NOC2L: variants seen among roughly 807,000 people sequenced by gnomAD.
The protein encoded by NOC2L is nucleolar complex protein 2 homolog.
NOC2L carries 101 observed loss-of-function variants against 94.2 expected under a neutral mutation model. The ratio of observed to expected loss-of-function variants is 1.07; its 90% CI spans 0.91 to 1.26. The LOEUF is 1.26. NOC2L is among the 50% of genes most tolerant of loss of function. The pLI is 0.00. For missense variants in NOC2L, 1,076 were observed against 980.1 expected (o/e 1.10, Z -1.31); for synonymous variants, 531 against 413.4 (o/e 1.28, Z -3.45).
intron 9 of NOC2L, 130 bp from the exon 10 acceptor site, chr1:952,730 G>T: frequency 1.1e-6 from 1 of 881,134 alleles, no homozygotes; most frequent in Non-Finnish European, 1.8e-6. Flanking sequence ...GTAGCCCCTT[G>T]CACAGCCCCC....
chr1:959,218 T>C lies in NOC2L; in HGVS notation c.23A>G (p.Lys8Arg). 3 of 1,608,866 alleles carry C rather than the reference T, an allele frequency of 1.9e-6. No individual in the cohort carries two copies. Among genetic ancestry groups the C allele is most frequent in the Non-Finnish European group, 2.5e-6 (3 of 1,178,426 alleles). The change falls in exon 1 of 19, where the codon AAG (lysine) becomes AGG (arginine). Residue 8 changes from lysine (K) to arginine (R), a missense_variant. Coordinates refer to ENST00000327044, the MANE Select transcript of NOC2L (RefSeq NM_015658.4). Reference protein sequence around the residue: MAAAGSRKRRLAELTVDE... With the variant: MAAAGSRRRRLAELTVDE... ...GGCCCTCGGACCCGCGGCTTACCTC[T>C]TGCGGCTCCCCGCAGCTGCCATGAC...
chr1:950,195 TACAGGTACACGC>T (rs1234506527), intron 12 of NOC2L, among the ~76,000 whole-genome samples: 2 of 144,114 alleles, frequency 1.4e-5, no homozygotes, highest in Admixed American at 6.9e-5. Flanking sequence ...CACCCAAGTG[TACAGGTACACGC>T]ACAGGTACAC....
Position 953,776 on chromosome 1 carries a change from A to ATC in NOC2L, c.888+5_888+6insGA, listed in dbSNP as rs1642323206. 17 of 1,603,614 alleles carry ATC rather than the reference A, an allele frequency of 1.1e-5. No homozygotes were observed. In the East Asian group the frequency reaches 3.6e-4, roughly 34 times the overall value. On this transcript the variant is annotated splice_donor_region_variant and intron_variant, in intron 8 of 18. Transcript: ENST00000327044. ...ACAGACACAGGGAGGGGACTGGGCC[A>ATC]CGAACCTTGAGCAGCATGCGGCACT...
At position 959,221 on chromosome 1, in the gene NOC2L, C is replaced by T. The variant is rs762248835; in HGVS notation, c.20G>A (p.Arg7His). 1.2e-6 allele frequency: 2 copies of T among 1,607,114 alleles called. No homozygotes were observed. Among genetic ancestry groups the T allele is most frequent in the Admixed American group, 1.7e-5 (1 of 59,596 alleles). The change falls in exon 1 of 19, where the codon CGC (arginine) becomes CAC (histidine). Residue 7 changes from arginine to histidine, a missense_variant. Coordinates refer to ENST00000327044, the MANE Select transcript of NOC2L (RefSeq NM_015658.4). MAAAGS[R>H]KRRLAELTVD... ...CCTCGGACCCGCGGCTTACCTCTTG[C>T]GGCTCCCCGCAGCTGCCATGACACC... is the stretch of plus-strand genomic sequence containing the variant.
At chr1:956,756 T>G in intron 4 of NOC2L, 138 bp downstream of exon 4, 1 of 1,258,788 alleles carries the variant, frequency 7.9e-7, no homozygotes. Context: ...CAGCACAGCC[T>G]CAGGCGCCTC....
intron 8 of NOC2L, 83 bp from the exon 9 acceptor site, chr1:953,371 G>A (rs1642310066): frequency 1.2e-6 from 1 of 809,560 alleles, no homozygotes; most frequent in Non-Finnish European, 2.1e-6. Flanking sequence ...TCCCCAGCCA[G>A]GCAAAGGCTC....
In NOC2L at chr1:946,384, C is replaced by A. The variant is rs751896300; in HGVS notation, c.1803+18G>T. The A allele has an allele frequency of 2.5e-5, 41 of 1,613,336 alleles. No homozygotes were observed. The highest frequency in any genetic ancestry group is 1.6e-4 in the Middle Eastern group (1 of 6,070). ...TGGCAGGTGCCCTCAGGTGGCACTACCCCCAGGGCCCACTAACCACTGCCT... is the reference window on the plus strand; with the variant it reads ...TGGCAGGTGCCCTCAGGTGGCACTAACCCCAGGGCCCACTAACCACTGCCT... On this transcript the variant is annotated intron_variant, in intron 15 of 18. Coordinates refer to ENST00000327044, the MANE Select transcript of NOC2L (RefSeq NM_015658.4).
In NOC2L at chr1:951,981, T is replaced by C. The variant is rs1352458637; in HGVS notation, c.1331+19A>G. ...TTCTCCTGACCCTCCCGCACAACCC[T>C]GCCCACCCCACAACTCACTTGATAC... On this transcript the variant is annotated intron_variant, in intron 11 of 18. Coordinates refer to ENST00000327044, the MANE Select transcript of NOC2L (RefSeq NM_015658.4). The C allele has an allele frequency of 5.0e-6, 8 of 1,606,454 alleles. No individual in the cohort carries two copies. Among genetic ancestry groups the C allele is most frequent in the Non-Finnish European group, 6.0e-6 (7 of 1,176,078 alleles).
At chr1:948,628 C>G in intron 12 of NOC2L, 25 bp from the exon 13 acceptor site, 1 of 1,147,878 alleles carries the variant, frequency 8.7e-7, no homozygotes, top group Non-Finnish European at 1.1e-6. Flanking sequence ...GTGTCAGGCT[C>G]TCTCGGCCCC....
At position 945,657 on chromosome 1, in the gene NOC2L, G is replaced by C; in HGVS notation, c.1918-4C>G. ...CAGGGAAGTTCAGGTCTTCCAGCTG[G>C]AAGGCCAAAGAACCAGGGGCTCAGG... On this transcript the variant is annotated splice_polypyrimidine_tract_variant and splice_region_variant and intron_variant, in intron 16 of 18. Transcript: ENST00000327044. The C allele has an allele frequency of 6.2e-7, 1 of 1,614,150 alleles. No homozygotes were observed. The highest frequency in any genetic ancestry group is 1.1e-5 in the South Asian group (1 of 91,078).
In NOC2L at chr1:953,825, G is replaced by A. The variant is rs377070129; in HGVS notation, c.845C>T (p.Pro282Leu). 6.2e-7 allele frequency: 1 copy of A among 1,613,062 alleles called. No homozygotes were observed. The highest frequency in any genetic ancestry group is 1.3e-5 in the African/African-American group (1 of 75,060). The change falls in exon 8 of 19, where the codon CCC becomes CTC. Residue 282 changes from proline (P) to leucine (L), a missense_variant. Pro to Leu is a moderately conservative substitution (Grantham distance 98). Transcript: ENST00000327044. Reference sequence around the variant, plus strand: ...CTGCTTGGGGAAGGTCAGGAAGCAGGGCACCAGCACGCTGATGTGCCGCAG... The same window carrying A: ...CTGCTTGGGGAAGGTCAGGAAGCAGAGCACCAGCACGCTGATGTGCCGCAG... ...AVLRHISVLV[P>L]CFLTFPKQCR...
At chr1:945,400 T>C (rs2100374885) in intron 17 of NOC2L, 118 bp downstream of exon 17, 1 of 1,298,922 alleles carries the variant, frequency 7.7e-7, no homozygotes, top group Non-Finnish European at 1.1e-6. Flanking sequence ...TGGCCCCAGC[T>C]GGGCCAGAGA....
intron 12 of NOC2L, among the ~76,000 whole-genome samples, chr1:949,490 G>T (rs192714326): frequency 6.6e-5 from 10 of 152,220 alleles, no homozygotes; most frequent in Non-Finnish European, 1.2e-4. Flanking sequence ...GGGCAGGCAC[G>T]GCCTACAGCT....
chr1:954,263 C>T (rs1642340532), intron 6 of NOC2L, 181 bp from the exon 7 acceptor site: 6 of 570,102 alleles, frequency 1.1e-5, no homozygotes, highest in South Asian at 4.8e-5. Context: ...CTTAGGAGGA[C>T]CCTCTCAAGT....
intron 4 of NOC2L, 148 bp from the exon 5 acceptor site, chr1:956,363 AC>A: frequency 1.2e-6 from 1 of 841,926 alleles, no homozygotes; most frequent in Non-Finnish European, 1.8e-6. Context: ...CATACTGATA[AC>A]AAAAATGGAA....
Position 958,878 on chromosome 1 carries a change from G to A in NOC2L, c.179+51C>T, listed in dbSNP as rs1339157393. The stretch of plus-strand genomic sequence containing the variant: ...CCCAGGCGAGGTCAGCAACCCAACC[G>A]GGGTGGGACAGGACGAGCAAGAGGT... On this transcript the variant is annotated intron_variant, in intron 2 of 18. Transcript: ENST00000327044. 4.4e-6 allele frequency: 7 copies of A among 1,606,120 alleles called. No individual in the cohort carries two copies. The Middle Eastern group carries it at 5.0e-4, about 114-fold the overall frequency.
intron 12 of NOC2L, among the ~76,000 whole-genome samples, chr1:949,944 T>G (rs575672571): frequency 2.4e-4 from 36 of 152,188 alleles, no homozygotes; most frequent in Non-Finnish European, 5.3e-4. Context: ...GAGAACTCAT[T>G]AGATAAACAG....
At position 944,382 on chromosome 1, in the gene NOC2L, A is replaced by AAGGGGCC. The variant is rs1260655853; in HGVS notation, c.*305_*311dup. On this transcript the variant is annotated 3_prime_UTR_variant, in exon 19 of 19. Coordinates refer to ENST00000327044, the MANE Select transcript of NOC2L (RefSeq NM_015658.4). ...TGCAGACGGAGGGCAGAGGTGGTGG[A>AAGGGGCC]AGGGGCCAGGGGCCTGCAGGCCTCC... 16 of 1,332,894 alleles carry AAGGGGCC rather than the reference A, an allele frequency of 1.2e-5. No individual in the cohort carries two copies. Among genetic ancestry groups the AAGGGGCC allele is most frequent in the South Asian group, 4.0e-5 (2 of 50,154 alleles). The allele number at this position is 1,332,894 out of a possible 1,614,324, so 82.6% of individuals were successfully genotyped here. A position where few individuals can be genotyped will look rare whatever the true frequency, so the allele number is the denominator to read the frequency against.
rs1318999087 is a variant in NOC2L at position 944,518 on chromosome 1, C to T, written c.*176G>A. ...CTTCAGCAGCCACACCAGCCCAGCCCAGCCCAGCTCTCGATACGTTTGGTC... is the reference window on the plus strand; with the variant it reads ...CTTCAGCAGCCACACCAGCCCAGCCTAGCCCAGCTCTCGATACGTTTGGTC... On this transcript the variant is annotated 3_prime_UTR_variant, in exon 19 of 19. Transcript: ENST00000327044. The T allele has an allele frequency of 3.2e-6, 2 of 626,176 alleles. No homozygotes were observed. Among genetic ancestry groups the T allele is most frequent in the African/African-American group, 3.7e-5 (2 of 53,366 alleles). 38.8% of individuals were successfully genotyped at this position (626,176 alleles called of 1,614,324 possible).
Sources: gnomAD v4.1 joint callset for allele counts (sites outside exome capture counted in the v4.1 genomes callset) on GRCh38, gnomAD v4.1.1 for gene constraint, MANE v1.5 for transcripts, NCBI Gene and HGNC (gene_info 2026-07-23, HGNC 2026-07-21) for gene names.